ADGRB3: variants seen among roughly 807,000 people sequenced by gnomAD.
The protein encoded by ADGRB3 is brain-specific angiogenesis inhibitor 3.
A neutral mutation model predicts 193.4 loss-of-function variants in ADGRB3; 37 were observed. The ratio of observed to expected loss-of-function variants is 0.19; its 90% CI spans 0.15 to 0.25. The LOEUF is 0.25. ADGRB3 is among the 10% of genes least tolerant of loss of function. The pLI is 1.00. For synonymous variants in ADGRB3, 690 were observed against 644.2 expected (o/e 1.07, Z -1.08); for missense variants, 1,637 against 1,852.9 (o/e 0.88, Z 2.14).
At chr6:69,092,606 A>G (rs540252911) in intron 17 of ADGRB3, among the ~76,000 whole-genome samples, 1 of 152,368 alleles carries the variant, frequency 6.6e-6, no homozygotes, top group Non-Finnish European at 1.5e-5. Context: ...CACTGAGGAC[A>G]TACATATTAA....
Position 69,382,720 on chromosome 6 carries a change from G to A in ADGRB3, c.4276-111G>A. ...TTTGTGCATCTTATAGGACCTCCTG[G>A]TTCCTGCCAAACTTGATTACCCTTA... On this transcript the variant is annotated intron_variant, in intron 30 of 31. Transcript: ENST00000370598. 6.1e-6 allele frequency: 4 copies of A among 659,836 alleles called. No homozygotes were observed. The South Asian group carries it at 9.7e-5, about 16-fold the overall frequency. The allele number at this position is 659,836 out of a possible 1,614,324, so 40.9% of individuals were successfully genotyped here. A position where few individuals can be genotyped will look rare whatever the true frequency, so the allele number is the denominator to read the frequency against.
intron 24 of ADGRB3, among the ~76,000 whole-genome samples, chr6:69,336,765 A>G (rs774404234): frequency 7.2e-5 from 11 of 152,126 alleles, no homozygotes; most frequent in Non-Finnish European, 1.5e-4. Context: ...TATAATAAAG[A>G]AACAAGATCT....
chr6:69,100,798 G>GA (rs570383329), intron 17 of ADGRB3, among the ~76,000 whole-genome samples: 2 of 130,926 alleles, frequency 1.5e-5, no homozygotes, highest in Non-Finnish European at 3.2e-5. Flanking sequence ...TAGACGGAAG[G>GA]AAAAAAAAGA....
At chr6:68,706,578 G>A (rs1443491448) in intron 3 of ADGRB3, among the ~76,000 whole-genome samples, 6 of 152,142 alleles carry the variant, frequency 3.9e-5, no homozygotes. Context: ...CCACTTACTA[G>A]CAATGTGACC....
intron 18 of ADGRB3, among the ~76,000 whole-genome samples, chr6:69,234,034 T>A (rs536772055): frequency 6.6e-6 from 1 of 152,294 alleles, no homozygotes; most frequent in South Asian, 2.1e-4. Context: ...TCTCATCAAT[T>A]GTATTTTGAG....
At chr6:68,682,994 A>G (rs562090479) in intron 3 of ADGRB3, among the ~76,000 whole-genome samples, 20 of 152,170 alleles carry the variant, frequency 1.3e-4, no homozygotes, top group African/African-American at 4.6e-4. Flanking sequence ...TGTGTTGGCG[A>G]GGCTGGTCTT....
chr6:69,056,350 A>AT (rs1771546080), intron 15 of ADGRB3, among the ~76,000 whole-genome samples: 2 of 152,212 alleles, frequency 1.3e-5, no homozygotes, highest in African/African-American at 4.8e-5. Context: ...TTTAGGAGTT[A>AT]TTTATATATT....
chr6:69,101,784 G>A (rs1047697696), intron 17 of ADGRB3, among the ~76,000 whole-genome samples: 2 of 152,044 alleles, frequency 1.3e-5, no homozygotes, highest in African/African-American at 4.8e-5. Context: ...AATAGGAAAT[G>A]AAGCACAGAG....
intron 11 of ADGRB3, among the ~76,000 whole-genome samples, chr6:69,003,322 G>A (rs1392338821): frequency 1.3e-5 from 2 of 152,118 alleles, no homozygotes; most frequent in African/African-American, 2.4e-5. Flanking sequence ...GGGAGTGTGG[G>A]CACTGCTTTT....
intron 3 of ADGRB3, among the ~76,000 whole-genome samples, chr6:68,683,433 A>G (rs1764930760): frequency 6.6e-6 from 1 of 152,176 alleles, no homozygotes; most frequent in African/African-American, 2.4e-5. Flanking sequence ...TGTTTGCATC[A>G]TTATTATTAA....
Position 68,639,289 on chromosome 6 carries a change from G to T in ADGRB3, c.614G>T (p.Trp205Leu). Residue 205 changes from tryptophan (W) to leucine (L), a missense_variant, in exon 3 of 32, where the codon TGG becomes TTG. Physicochemically the swap from Trp to Leu is moderately conservative, Grantham distance 61. Around this residue, in one of 7 missense-constraint regions of ADGRB3, gnomAD observed 365 missense variants for 409.8 expected, o/e 0.89. Coordinates refer to ENST00000370598, the MANE Select transcript of ADGRB3 (RefSeq NM_001704.3). ...ACCTGCCCTCAGCATTTGGGAGAGT[G>T]GGGGATCGACGACCAGTCGCTGATT... The part of the protein sequence containing the change: ...KCTCPQHLGE[W>L]GIDDQSLILL... 1 of 1,614,112 alleles carries T rather than the reference G, an allele frequency of 6.2e-7. No homozygotes were observed. The highest frequency in any genetic ancestry group is 1.3e-5 in the African/African-American group (1 of 75,004).
chr6:69,230,596 T>A (rs1365496530), intron 17 of ADGRB3, among the ~76,000 whole-genome samples: 1 of 152,204 alleles, frequency 6.6e-6, no homozygotes, highest in African/African-American at 2.4e-5. Flanking sequence ...AATAGTTATA[T>A]GTATGCTAGT....
rs561071497 is a variant in ADGRB3, at chr6:69,079,514, A to C, written c.2480+3476A>C. On this transcript the variant is annotated intron_variant, in intron 17 of 31. Transcript: ENST00000370598. ...AGAAGCATTCCCTTTGAAAACTGGC[A>C]CAAGACAAGGATGCCCTCTCTCACC... Among the ~76,000 whole-genome samples, 45 of 152,248 alleles carry C rather than the reference A, an allele frequency of 3.0e-4. No individual in the cohort carries two copies. The South Asian group carries it at 8.9e-3, about 30-fold the overall frequency.
At chr6:68,984,375 A>G (rs576664932) in intron 10 of ADGRB3, among the ~76,000 whole-genome samples, 26 of 152,244 alleles carry the variant, frequency 1.7e-4, no homozygotes, top group African/African-American at 5.3e-4. Flanking sequence ...TTTGGGACAG[A>G]TGAGGTTTTG....
At chr6:69,135,761 G>A (rs975306615) in intron 17 of ADGRB3, among the ~76,000 whole-genome samples, 1 of 151,906 alleles carries the variant, frequency 6.6e-6, no homozygotes, top group Admixed American at 6.6e-5. Flanking sequence ...AAAATAAAAG[G>A]TTCATAATAT....
intron 3 of ADGRB3, among the ~76,000 whole-genome samples, chr6:68,798,537 G>A (rs1767254501): frequency 6.6e-6 from 1 of 150,552 alleles, no homozygotes; most frequent in South Asian, 2.1e-4. Flanking sequence ...CTGTCAGGGG[G>A]TGGGGGGCTA....
intron 17 of ADGRB3, among the ~76,000 whole-genome samples, chr6:69,139,417 T>G (rs950156703): frequency 1.3e-5 from 2 of 152,190 alleles, no homozygotes; most frequent in Non-Finnish European, 2.9e-5. Flanking sequence ...CAGTGAGAGA[T>G]GTTATTGTGG....
chr6:69,028,794 T>C (rs72908774), intron 13 of ADGRB3, among the ~76,000 whole-genome samples: 23,757 of 152,180 alleles, frequency 0.16, 2,476 homozygotes, highest in Non-Finnish European at 0.22. Context: ...CTTCTGAACT[T>C]CCTTCACAAG....
intron 3 of ADGRB3, among the ~76,000 whole-genome samples, chr6:68,766,228 T>C (rs576228650): frequency 7.2e-4 from 109 of 152,028 alleles, no homozygotes; most frequent in Admixed American, 2.0e-3. Flanking sequence ...ATTCTGTTTT[T>C]CTTTTTTAGC....
Sources: allele counts gnomAD v4.1 joint callset (sites outside exome capture counted in the v4.1 genomes callset), GRCh38; gene constraint gnomAD v4.1.1; regional missense constraint gnomAD v4.1.1; transcripts MANE v1.5; gene names NCBI Gene and HGNC (gene_info 2026-07-23, HGNC 2026-07-21).